CSMD3: variants seen among roughly 807,000 people sequenced by gnomAD.
CSMD3 encodes CUB and Sushi multiple domains 3, also known as CUB and sushi domain-containing protein 3.
In CSMD3, 177 loss-of-function variants were observed where a neutral mutation model predicts 435.2. The ratio of observed to expected loss-of-function variants is 0.41; its 90% CI spans 0.36 to 0.46. CSMD3 has a LOEUF of 0.46. Among genes scored for constraint, CSMD3 ranks in the 20% least tolerant of loss-of-function variants. The pLI is 0.34. For missense variants in CSMD3, 4,265 were observed against 4,504.6 expected (o/e 0.95, Z 1.52); for synonymous variants, 1,656 against 1,520.5 (o/e 1.09, Z -2.07).
At position 112,335,491 on chromosome 8, in the gene CSMD3, G is replaced by C. The variant is rs755243831; in HGVS notation, c.7020-17C>G. ...GGTCCATCCCTATGAGACAAGGATT[G>C]GGAAAGGAGGAGAGATCAAGATTGA... is the stretch of plus-strand genomic sequence containing the variant. On this transcript the variant is annotated splice_polypyrimidine_tract_variant and intron_variant, in intron 44 of 70. Coordinates refer to ENST00000297405, the MANE Select transcript of CSMD3 (RefSeq NM_198123.2). 3 of 1,612,418 alleles carry C rather than the reference G, an allele frequency of 1.9e-6. No individual in the cohort carries two copies. Among genetic ancestry groups the C allele is most frequent in the Non-Finnish European group, 2.5e-6 (3 of 1,178,578 alleles).
chr8:112,396,098 T>A (rs1307795217), intron 35 of CSMD3, among the ~76,000 whole-genome samples: 1 of 152,142 alleles, frequency 6.6e-6, no homozygotes, highest in African/African-American at 2.4e-5. Context: ...AGTTTTAGTA[T>A]GTCAGTGTGT....
intron 67 of CSMD3, among the ~76,000 whole-genome samples, chr8:112,236,234 G>A (rs1305049759): frequency 1.3e-5 from 2 of 151,458 alleles, no homozygotes; most frequent in African/African-American, 2.4e-5. Flanking sequence ...ATATTTATAT[G>A]GGTTATATCT....
intron 1 of CSMD3, among the ~76,000 whole-genome samples, chr8:113,322,756 T>A (rs192486535): frequency 3.6e-4 from 55 of 152,286 alleles, no homozygotes; most frequent in African/African-American, 1.2e-3. Context: ...CTGGCTTTTT[T>A]TTATTTTTGA....
chr8:113,351,517 G>T (rs1394559637), intron 1 of CSMD3, among the ~76,000 whole-genome samples: 3 of 151,700 alleles, frequency 2.0e-5, no homozygotes, highest in Non-Finnish European at 4.4e-5. Context: ...GAGAAAAATG[G>T]AGATAGAGTG....
At chr8:112,702,121 C>T (rs1340836912) in intron 13 of CSMD3, among the ~76,000 whole-genome samples, 1 of 152,060 alleles carries the variant, frequency 6.6e-6, no homozygotes, top group Non-Finnish European at 1.5e-5. Flanking sequence ...TAAACACTTA[C>T]ATATGATTTA....
intron 30 of CSMD3, among the ~76,000 whole-genome samples, chr8:112,500,319 A>C (rs1245128121): frequency 6.6e-6 from 1 of 152,214 alleles, no homozygotes; most frequent in African/African-American, 2.4e-5. Flanking sequence ...GAAAGGAACT[A>C]GTTTTTAGAA....
At chr8:113,038,814 G>C (rs1252194531) in intron 5 of CSMD3, among the ~76,000 whole-genome samples, 1 of 152,064 alleles carries the variant, frequency 6.6e-6, no homozygotes, top group African/African-American at 2.4e-5. Flanking sequence ...CATACAAACA[G>C]GTCTCCAAAC....
chr8:113,307,656 A>C (rs1407320750), intron 2 of CSMD3, among the ~76,000 whole-genome samples: 1 of 152,208 alleles, frequency 6.6e-6, no homozygotes, highest in Non-Finnish European at 1.5e-5. Context: ...AAGATTGCAA[A>C]GATCCTTATA....
intron 3 of CSMD3, among the ~76,000 whole-genome samples, chr8:113,182,990 G>C (rs1465383772): frequency 6.6e-6 from 1 of 151,936 alleles, no homozygotes; most frequent in African/African-American, 2.4e-5. Flanking sequence ...ACCCCATGTG[G>C]GTAGGCAAAT....
intron 3 of CSMD3, among the ~76,000 whole-genome samples, chr8:113,198,821 C>A (rs1039636163): frequency 6.6e-6 from 1 of 150,962 alleles, no homozygotes; most frequent in African/African-American, 2.4e-5. Flanking sequence ...TAATTAATAC[C>A]TTGTTTTCAT....
At chr8:112,891,379 T>G (rs1478381703) in intron 10 of CSMD3, among the ~76,000 whole-genome samples, 2 of 151,636 alleles carry the variant, frequency 1.3e-5, no homozygotes, top group African/African-American at 2.4e-5. Context: ...TTCATCAAGA[T>G]TATTGATAGG....
At chr8:112,572,236 A>T (rs1279331106) in intron 24 of CSMD3, among the ~76,000 whole-genome samples, 2 of 152,094 alleles carry the variant, frequency 1.3e-5, no homozygotes, top group Non-Finnish European at 2.9e-5. Context: ...CCTTAGGAAG[A>T]CTCATAAGAA....
intron 22 of CSMD3, among the ~76,000 whole-genome samples, chr8:112,631,418 A>G (rs2074511026): frequency 6.6e-6 from 1 of 152,122 alleles, no homozygotes; most frequent in Non-Finnish European, 1.5e-5. Context: ...TATTGTATAA[A>G]AAAACGATAG....
chr8:112,879,116 C>T (rs2081375106), intron 10 of CSMD3, among the ~76,000 whole-genome samples: 1 of 152,220 alleles, frequency 6.6e-6, no homozygotes, highest in South Asian at 2.1e-4. Context: ...AGGACAGAGA[C>T]ATATTTCCCT....
intron 32 of CSMD3, among the ~76,000 whole-genome samples, chr8:112,442,822 G>T (rs1815178731): frequency 6.6e-6 from 1 of 152,146 alleles, no homozygotes; most frequent in Admixed American, 6.5e-5. Flanking sequence ...CCCACAAACA[G>T]GAATGCAGAT....
intron 3 of CSMD3, among the ~76,000 whole-genome samples, chr8:113,178,754 A>G (rs2092383033): frequency 6.6e-6 from 1 of 151,866 alleles, no homozygotes; most frequent in Admixed American, 6.6e-5. Context: ...AAGTACTGTA[A>G]TAGTTATTAG....
chr8:112,678,652 GT>G (rs1274681739), intron 16 of CSMD3, among the ~76,000 whole-genome samples: 3 of 152,078 alleles, frequency 2.0e-5, no homozygotes, highest in East Asian at 3.9e-4. Flanking sequence ...CCATTGTTCT[GT>G]AAGTTCTGAT....
In CSMD3 at chr8:112,392,737, T is replaced by G. The variant is rs538648348; in HGVS notation, c.5810-1949A>C. The stretch of plus-strand genomic sequence containing the variant: ...TGGCTGGTATGTTTTCCATGCACTA[T>G]ATTTTTCAAAATACTGTCAAAATTA... On this transcript the variant is annotated intron_variant, in intron 35 of 70. Coordinates refer to ENST00000297405, the MANE Select transcript of CSMD3 (RefSeq NM_198123.2). Among the ~76,000 whole-genome samples, 3 of 152,200 alleles carry G rather than the reference T, an allele frequency of 2.0e-5. No individual in the cohort carries two copies. In the South Asian group the frequency reaches 6.2e-4, roughly 32 times the overall value.
chr8:112,824,790 G>A (rs1386843836), intron 12 of CSMD3, among the ~76,000 whole-genome samples: 1 of 152,070 alleles, frequency 6.6e-6, no homozygotes, highest in Non-Finnish European at 1.5e-5. Flanking sequence ...TCTTGGAGTT[G>A]ATCTTCTTAT....
Sources: allele counts gnomAD v4.1 joint callset (sites outside exome capture counted in the v4.1 genomes callset), GRCh38; gene constraint gnomAD v4.1.1; transcripts MANE v1.5; gene names NCBI Gene and HGNC (gene_info 2026-07-23, HGNC 2026-07-21).